Variants in SNX1 observed in about 807,000 individuals in gnomAD.
SNX1 encodes the protein sorting nexin-1.
In SNX1, 36 loss-of-function variants were observed where a neutral mutation model predicts 71.8. The observed-to-expected ratio is 0.50, with a 90% CI of 0.38 to 0.66. The LOEUF (loss-of-function observed/expected upper bound fraction) is 0.66, where lower values mean the gene tolerates loss of function less well. Among genes scored for constraint, SNX1 ranks in the 30% least tolerant of loss-of-function variants. The pLI is 0.00. For synonymous variants in SNX1, 254 were observed against 240.7 expected (o/e 1.06, Z -0.51); for missense variants, 612 against 646.7 (o/e 0.95, Z 0.58).
At chr15:64,097,365 A>G (rs1292653698) in intron 1 of SNX1, among the ~76,000 whole-genome samples, 1 of 152,128 alleles carries the variant, frequency 6.6e-6, no homozygotes, top group Non-Finnish European at 1.5e-5. Flanking sequence ...CCTGCCCCCA[A>G]ACCCAGGGGG....
At chr15:64,108,506 C>T (rs891908863) in intron 1 of SNX1, among the ~76,000 whole-genome samples, 2 of 152,108 alleles carry the variant, frequency 1.3e-5, no homozygotes, top group Non-Finnish European at 1.5e-5. Flanking sequence ...TGTGAATATA[C>T]GATACCATGA....
intron 4 of SNX1, among the ~76,000 whole-genome samples, chr15:64,120,661 A>G (rs1298654552): frequency 6.6e-6 from 1 of 152,068 alleles, no homozygotes; most frequent in Non-Finnish European, 1.5e-5. Flanking sequence ...AAAGTAAAAA[A>G]TTAGCCCTGT....
At chr15:64,128,466 A>C (rs1408180418) in intron 8 of SNX1, among the ~76,000 whole-genome samples, 1 of 152,368 alleles carries the variant, frequency 6.6e-6, no homozygotes, top group African/African-American at 2.4e-5. Context: ...GAAATGTTTT[A>C]TCTCACAGGA....
In SNX1 at chr15:64,127,401, C is replaced by T. The variant is rs1000633076; in HGVS notation, c.731+149C>T. On this transcript the variant is annotated intron_variant, in intron 7 of 14. Coordinates refer to ENST00000559844, the MANE Select transcript of SNX1 (RefSeq NM_003099.5). Reference sequence around the variant, plus strand: ...CCTCCATATTATCTCTTAACTTTTCCTGAGTCGCTTATTTTCCCACCTTGA... The same window carrying T: ...CCTCCATATTATCTCTTAACTTTTCTTGAGTCGCTTATTTTCCCACCTTGA... The T allele has an allele frequency of 4.5e-6, 3 of 670,820 alleles. No individual in the cohort carries two copies. In the African/African-American group the frequency reaches 5.5e-5, roughly 12 times the overall value. The allele number at this position is 670,820 out of a possible 1,614,324, so 41.6% of individuals were successfully genotyped here.
rs2081284582 is a variant in SNX1 at position 64,129,377 on chromosome 15, G to A, written c.808-539G>A. ...GCCCTAGGAGAGTACTGGGGAGACT[G>A]AACAGCAATCAGATTGTTTCTGAAT... On this transcript the variant is annotated intron_variant, in intron 8 of 14. Coordinates refer to ENST00000559844, the MANE Select transcript of SNX1 (RefSeq NM_003099.5). This position sits in a 1 kb window ranked among gnomAD's most constrained non-coding sequence, Gnocchi z 4.4. Among the ~76,000 whole-genome samples the A allele has an allele frequency of 6.6e-6, 1 of 152,178 alleles. No homozygotes were observed. The highest frequency in any genetic ancestry group is 2.4e-5 in the African/African-American group (1 of 41,440).
At chr15:64,128,734 A>G (rs998210309) in intron 8 of SNX1, among the ~76,000 whole-genome samples, 6 of 152,146 alleles carry the variant, frequency 3.9e-5, no homozygotes, top group African/African-American at 1.4e-4. Context: ...TCTTTACTCC[A>G]TACCCCTAAG....
chr15:64,099,081 A>T lies in SNX1; in HGVS notation c.159+2909A>T, dbSNP rs67923288. Among the ~76,000 whole-genome samples, 521 of 152,334 alleles carry T rather than the reference A, an allele frequency of 3.4e-3. 1 individual carries two copies. Among genetic ancestry groups the T allele is most frequent in the African/African-American group, 0.012 (503 of 41,568 alleles). On this transcript the variant is annotated intron_variant, in intron 1 of 14. Coordinates refer to ENST00000559844, the MANE Select transcript of SNX1 (RefSeq NM_003099.5). ...CAATACATGCTTTAGTTGTGAGCCA[A>T]AGAAGATAGAGGATTGCAGCACTTG...
chr15:64,143,335 A>G lies in SNX1; in HGVS notation c.*5717A>G, dbSNP rs1405658632. On this transcript the variant is annotated 3_prime_UTR_variant, in exon 15 of 15. Transcript: ENST00000559844. Reference sequence around the variant, plus strand: ...GCATGTGTCACCTGCCGATAACTGCATCTTGTGATAAAGTTGGGTGATTTA... The same window carrying G: ...GCATGTGTCACCTGCCGATAACTGCGTCTTGTGATAAAGTTGGGTGATTTA... 1 of 152,246 alleles carries G rather than the reference A, an allele frequency of 6.6e-6. No individual in the cohort carries two copies. The highest frequency in any genetic ancestry group is 2.4e-5 in the African/African-American group (1 of 41,446). The allele number at this position is 152,246 out of a possible 1,614,324, so 9.4% of individuals were successfully genotyped here. A position where few individuals can be genotyped will look rare whatever the true frequency, so the allele number is the denominator to read the frequency against.
At chr15:64,115,152 C>A (rs1309616962) in intron 2 of SNX1, among the ~76,000 whole-genome samples, 1 of 152,122 alleles carries the variant, frequency 6.6e-6, no homozygotes, top group Non-Finnish European at 1.5e-5. Flanking sequence ...AATAGTTACC[C>A]AGTGATTGGG....
At chr15:64,113,840 A>AGG (rs1567321938) in intron 2 of SNX1, among the ~76,000 whole-genome samples, 1 of 142,286 alleles carries the variant, frequency 7.0e-6, no homozygotes, top group African/African-American at 2.9e-5. Flanking sequence ...AAAGAAAGAA[A>AGG]GAGAGAGAGA....
chr15:64,103,446 G>A (rs906761684), intron 1 of SNX1, among the ~76,000 whole-genome samples: 1 of 152,090 alleles, frequency 6.6e-6, no homozygotes, highest in East Asian at 1.9e-4. Context: ...TTACATCTAC[G>A]TTCATAAGAT....
chr15:64,126,245 C>T (rs751604367), intron 6 of SNX1, 25 bp downstream of exon 6: 1 of 1,605,544 alleles, frequency 6.2e-7, no homozygotes, highest in African/African-American at 1.3e-5. Context: ...TTTCATTCCA[C>T]TTGGATTGTT....
At chr15:64,128,883 G>C (rs1196998943) in intron 8 of SNX1, among the ~76,000 whole-genome samples, 1 of 152,022 alleles carries the variant, frequency 6.6e-6, no homozygotes, top group Non-Finnish European at 1.5e-5. Flanking sequence ...CCCCTCCCCA[G>C]TTATAACAAC....
intron 1 of SNX1, among the ~76,000 whole-genome samples, chr15:64,109,778 T>C (rs1396005529): frequency 6.6e-6 from 1 of 152,150 alleles, no homozygotes; most frequent in Non-Finnish European, 1.5e-5. Flanking sequence ...AAAGGTTGTC[T>C]GCCCACCTCT....
At chr15:64,120,774 A>C (rs1163116028) in intron 4 of SNX1, among the ~76,000 whole-genome samples, 1 of 152,154 alleles carries the variant, frequency 6.6e-6, no homozygotes, top group African/African-American at 2.4e-5. Flanking sequence ...CTGGAAGGTC[A>C]AGGCTGCAGT....
chr15:64,117,690 G>A (rs1484057639), intron 2 of SNX1, among the ~76,000 whole-genome samples: 2 of 152,244 alleles, frequency 1.3e-5, no homozygotes, highest in East Asian at 1.9e-4. Flanking sequence ...TATTCAGGAG[G>A]CTGAGGCAGG....
chr15:64,106,775 C>G (rs2081026934), intron 1 of SNX1, among the ~76,000 whole-genome samples: 1 of 152,136 alleles, frequency 6.6e-6, no homozygotes, highest in Non-Finnish European at 1.5e-5. Flanking sequence ...GCAAAGAACC[C>G]TAGAAGCCAG....
intron 8 of SNX1, among the ~76,000 whole-genome samples, chr15:64,128,265 AAC>A (rs2081273622): frequency 2.0e-5 from 3 of 152,262 alleles, no homozygotes; most frequent in South Asian, 4.1e-4. Context: ...CCCAATTGCT[AAC>A]AGTGGAAGAA....
chr15:64,112,561 C>T lies in SNX1; in HGVS notation c.160-12C>T, dbSNP rs566313730. The T allele has an allele frequency of 7.0e-6, 11 of 1,560,842 alleles. No homozygotes were observed. The African/African-American group carries it at 9.5e-5, about 14-fold the overall frequency. ...TGGTAATGTTTTATTCAGAGTATCTCTTTGTTTTCAGAGTAAACATCAGTC... is the reference window on the plus strand; with the variant it reads ...TGGTAATGTTTTATTCAGAGTATCTTTTTGTTTTCAGAGTAAACATCAGTC... On this transcript the variant is annotated splice_polypyrimidine_tract_variant and intron_variant, in intron 1 of 14. Transcript: ENST00000559844.
Sources: gnomAD v4.1 joint callset for allele counts (sites outside exome capture counted in the v4.1 genomes callset) on GRCh38, gnomAD v4.1.1 for gene constraint, Gnocchi (gnomAD v3.1) non-coding constraint, MANE v1.5 for transcripts, NCBI Gene and HGNC (gene_info 2026-07-23, HGNC 2026-07-21) for gene names.